The following SOX5 variants were observed in gnomAD, a reference collection of about 807,000 sequenced individuals.
SOX5 encodes transcription factor SOX-5.
A neutral mutation model predicts 92.0 loss-of-function variants in SOX5; 9 were observed. That is an observed-to-expected ratio of 0.10 (90% CI 0.06 to 0.17). The LOEUF (loss-of-function observed/expected upper bound fraction) is 0.17. Ranked by LOEUF, SOX5 falls within the 10% of genes least tolerant of loss-of-function variation. The probability of loss-of-function intolerance (pLI) is 1.00; values close to 1 mark genes in which losing one functional copy is unlikely to be tolerated. For synonymous variants in SOX5, 344 were observed against 336.3 expected, an observed-to-expected ratio of 1.02 and a Z score of -0.25; for missense variants, 642 against 944.5, an observed-to-expected ratio of 0.68 and a Z score of 4.20.
chr12:23,834,779 T>G (rs1403757531), intron 3 of SOX5, among the ~76,000 whole-genome samples: 3 of 151,900 alleles, frequency 2.0e-5, no homozygotes, highest in Admixed American at 2.0e-4. Flanking sequence ...AATAGACTTG[T>G]AGATAGAAGG....
At chr12:24,374,805 G>A (rs904336359) in intron 1 of SOX5, among the ~76,000 whole-genome samples, 3 of 152,174 alleles carry the variant, frequency 2.0e-5, no homozygotes, top group African/African-American at 7.2e-5. Context: ...CCTAGCCACA[G>A]TGATACAGCC....
chr12:23,635,049 A>G (rs2079044710), intron 8 of SOX5, among the ~76,000 whole-genome samples: 1 of 152,202 alleles, frequency 6.6e-6, no homozygotes, highest in Non-Finnish European at 1.5e-5. Context: ...GCTAGAAAGT[A>G]TGATTTAAAA....
chr12:23,977,438 G>C (rs1949041032), intron 4 of SOX5, among the ~76,000 whole-genome samples: 1 of 152,174 alleles, frequency 6.6e-6, no homozygotes, highest in African/African-American at 2.4e-5. Context: ...GGGAGGCCAA[G>C]GTTGGCAAAT....
At chr12:24,021,789 C>G (rs1954322146) in intron 4 of SOX5, among the ~76,000 whole-genome samples, 1 of 152,100 alleles carries the variant, frequency 6.6e-6, no homozygotes, top group East Asian at 1.9e-4. Context: ...TTCGTATCAT[C>G]CAATGTGATG....
chr12:23,579,658 A>G (rs1949771968), intron 9 of SOX5, among the ~76,000 whole-genome samples: 1 of 152,176 alleles, frequency 6.6e-6, no homozygotes, highest in East Asian at 1.9e-4. Flanking sequence ...TATGTGCAAT[A>G]AAAGCTGAAG....
At chr12:24,140,058 G>A (rs535837375) in intron 4 of SOX5, among the ~76,000 whole-genome samples, 39 of 152,234 alleles carry the variant, frequency 2.6e-4, no homozygotes, top group African/African-American at 7.7e-4. Context: ...TAAATTCTAT[G>A]AGCAAATTCA....
At chr12:23,712,085 C>T (rs1228770425) in intron 6 of SOX5, among the ~76,000 whole-genome samples, 1 of 152,158 alleles carries the variant, frequency 6.6e-6, no homozygotes, top group Non-Finnish European at 1.5e-5. Flanking sequence ...TGGTGAGAAT[C>T]GTGCTATTTT....
intron 2 of SOX5, among the ~76,000 whole-genome samples, chr12:24,301,809 G>A (rs563401720): frequency 6.6e-6 from 1 of 152,324 alleles, no homozygotes; most frequent in African/African-American, 2.4e-5. Flanking sequence ...AAAGCATGCA[G>A]ACGTCAGGGA....
At chr12:24,186,747 A>T (rs1479610557) in intron 4 of SOX5, among the ~76,000 whole-genome samples, 1 of 152,168 alleles carries the variant, frequency 6.6e-6, no homozygotes, top group Non-Finnish European at 1.5e-5. Flanking sequence ...TTATTAATAA[A>T]CATTATATCT....
At chr12:23,678,174 A>G (rs932918590) in intron 6 of SOX5, among the ~76,000 whole-genome samples, 7 of 152,200 alleles carry the variant, frequency 4.6e-5, no homozygotes, top group Non-Finnish European at 8.8e-5. Context: ...CATTGAACAT[A>G]GTGTCATTTA....
At chr12:23,659,273 C>T (rs1003451465) in intron 7 of SOX5, among the ~76,000 whole-genome samples, 5 of 152,126 alleles carry the variant, frequency 3.3e-5, no homozygotes, top group South Asian at 4.1e-4. Flanking sequence ...TCAGCAAATA[C>T]GCCTGAGGAA....
Position 23,534,276 on chromosome 12 carries a change from A to T in SOX5, c.2235T>A (p.Asp745Glu). Residue 745 changes from aspartate (D) to glutamate (E), a missense_variant, in exon 15 of 15, where the codon GAT (aspartate) becomes GAA (glutamate). Transcript: ENST00000451604. ...TGTCACTCCCATAATCTACATCTGGATCATCCTCTTCCTCGTCGTACTCAT... is the reference window on the plus strand; with the variant it reads ...TGTCACTCCCATAATCTACATCTGGTTCATCCTCTTCCTCGTCGTACTCAT... ...IYDEYDEEED[D>E]PDVDYGSDSE... 6.2e-7 allele frequency: 1 copy of T among 1,614,088 alleles called. No individual in the cohort carries two copies. Among genetic ancestry groups the T allele is most frequent in the Non-Finnish European group, 8.5e-7 (1 of 1,180,002 alleles).
chr12:24,146,729 G>A (rs1255527021), intron 4 of SOX5, among the ~76,000 whole-genome samples: 1 of 148,580 alleles, frequency 6.7e-6, no homozygotes, highest in Non-Finnish European at 1.5e-5. Context: ...AGCCAGGCTG[G>A]TCAGGAGGAA....
intron 1 of SOX5, among the ~76,000 whole-genome samples, chr12:24,510,033 G>A (rs1303261686): frequency 6.6e-6 from 1 of 152,160 alleles, no homozygotes; most frequent in Non-Finnish European, 1.5e-5. Context: ...TTCACAAACA[G>A]TTTTAAAAAC....
intron 4 of SOX5, among the ~76,000 whole-genome samples, chr12:23,995,676 C>T (rs1166545651): frequency 1.3e-5 from 2 of 152,182 alleles, no homozygotes; most frequent in African/African-American, 2.4e-5. Context: ...CCAGCCTGGG[C>T]AACAGAGCAA....
chr12:23,566,061 C>T (rs376672949), intron 10 of SOX5, among the ~76,000 whole-genome samples: 5 of 152,174 alleles, frequency 3.3e-5, no homozygotes, highest in South Asian at 2.1e-4. Context: ...TGGTTCCTTG[C>T]TTTCAATCAA....
At chr12:24,287,750 G>A (rs1029314715) in intron 2 of SOX5, among the ~76,000 whole-genome samples, 1 of 151,756 alleles carries the variant, frequency 6.6e-6, no homozygotes, top group Admixed American at 6.6e-5. Context: ...TTACTTAAGC[G>A]ATCTGATTTG....
chr12:23,911,719 C>G (rs2097353669), intron 1 of SOX5, among the ~76,000 whole-genome samples: 1 of 152,144 alleles, frequency 6.6e-6, no homozygotes, highest in Admixed American at 6.5e-5. Context: ...TTGAATGACT[C>G]CCACTAATTA....
intron 2 of SOX5, among the ~76,000 whole-genome samples, chr12:23,883,621 G>A (rs1016449581): frequency 6.6e-6 from 1 of 152,136 alleles, no homozygotes; most frequent in Non-Finnish European, 1.5e-5. Context: ...AAGGCACAGG[G>A]ATCCTGCAAA....
Sources: allele counts gnomAD v4.1 joint callset (sites outside exome capture counted in the v4.1 genomes callset), GRCh38; gene constraint gnomAD v4.1.1; transcripts MANE v1.5; gene names NCBI Gene and HGNC (gene_info 2026-07-23, HGNC 2026-07-21).